EML5: variants seen among roughly 807,000 people sequenced by gnomAD.
EML5 encodes echinoderm microtubule-associated protein-like 5.
EML5 carries 120 observed loss-of-function variants against 250.0 expected under a neutral mutation model. The observed-to-expected ratio is 0.48, with a 90% CI of 0.41 to 0.56. The LOEUF (loss-of-function observed/expected upper bound fraction) is 0.56, where lower values mean the gene tolerates loss of function less well. Ranked by LOEUF, EML5 falls within the 20% of genes least tolerant of loss-of-function variation. The pLI, the probability that EML5 is intolerant of heterozygous loss-of-function variation, is 0.00. For missense variants in EML5, 2,006 were observed against 2,437.6 expected, an observed-to-expected ratio of 0.82 and a Z score of 3.73; for synonymous variants, 771 against 806.5, an observed-to-expected ratio of 0.96 and a Z score of 0.75.
chr14:88,754,519 T>C lies in EML5; in HGVS notation c.350A>G (p.Asp117Gly), dbSNP rs567398244. The change falls in exon 2 of 44, where the codon GAT (aspartate) becomes GGT (glycine). Residue 117 changes from aspartate to glycine, a missense_variant. Coordinates refer to ENST00000554922, the MANE Select transcript of EML5 (RefSeq NM_183387.3). ...HGIACLAFDL[D>G]GQRLVSVGLD... ...TGAAAAACTGTCACATACCTGTCCATCTAAGTCAAACGCCAAGCAAGCTAT... is the reference window on the plus strand; with the variant it reads ...TGAAAAACTGTCACATACCTGTCCACCTAAGTCAAACGCCAAGCAAGCTAT... The C allele has an allele frequency of 1.9e-6, 3 of 1,602,548 alleles. No individual in the cohort carries two copies. In the East Asian group the frequency reaches 6.8e-5, roughly 36 times the overall value.
chr14:88,719,015 G>A (rs149070631), intron 8 of EML5, among the ~76,000 whole-genome samples: 70 of 152,218 alleles, frequency 4.6e-4, no homozygotes, highest in African/African-American at 1.6e-3. Flanking sequence ...AAACTGTCAC[G>A]ATCCCTTTTA....
intron 2 of EML5, among the ~76,000 whole-genome samples, chr14:88,747,983 G>C (rs1456944224): frequency 6.6e-6 from 1 of 152,072 alleles, no homozygotes; most frequent in Non-Finnish European, 1.5e-5. Context: ...TGTGAACCCT[G>C]AAAGAGGGGA....
At chr14:88,647,014 C>A in intron 28 of EML5, 59 bp from the exon 29 acceptor site, 1 of 1,471,850 alleles carries the variant, frequency 6.8e-7, no homozygotes, top group Non-Finnish European at 9.3e-7. Flanking sequence ...ATTGAAAACA[C>A]TAGTGAAATA....
At chr14:88,644,017 G>C (rs1037351383) in intron 30 of EML5, among the ~76,000 whole-genome samples, 8 of 152,168 alleles carry the variant, frequency 5.3e-5, no homozygotes, top group Non-Finnish European at 1.2e-4. Flanking sequence ...GACAGAAGGA[G>C]AAACAGGCTT....
intron 32 of EML5, among the ~76,000 whole-genome samples, chr14:88,637,903 G>A (rs2090830953): frequency 1.3e-5 from 2 of 152,082 alleles, no homozygotes; most frequent in South Asian, 4.1e-4. Flanking sequence ...ACTTTTAAAA[G>A]TAGAAAACTG....
intron 21 of EML5, among the ~76,000 whole-genome samples, chr14:88,673,687 A>G (rs1177831222): frequency 6.6e-6 from 1 of 152,272 alleles, no homozygotes; most frequent in Non-Finnish European, 1.5e-5. Flanking sequence ...AAGTCAAAGG[A>G]TACAAAATCA....
chr14:88,754,549 T>C lies in EML5; in HGVS notation c.320A>G (p.His107Arg). Residue 107 changes from histidine (H) to arginine (R), a missense_variant, in exon 2 of 44, where the codon CAT (histidine) becomes CGT (arginine). This residue lies in a region of EML5 where 162 missense variants were observed against 212.2 expected (regional missense o/e 0.76). Transcript: ENST00000554922. ...TISVLKDVHT[H>R]GIACLAFDLD... ...GTCAAACGCCAAGCAAGCTATACCA[T>C]GTGTATGAACATCCTTTAAAACTGA... is the stretch of plus-strand genomic sequence containing the variant. The C allele has an allele frequency of 1.2e-6, 2 of 1,612,138 alleles. No homozygotes were observed. Among genetic ancestry groups the C allele is most frequent in the Non-Finnish European group, 1.7e-6 (2 of 1,179,330 alleles).
In EML5 at chr14:88,615,688, G is replaced by T; in HGVS notation, c.*130C>A. The T allele has an allele frequency of 1.3e-6, 1 of 790,492 alleles. No homozygotes were observed. The highest frequency in any genetic ancestry group is 2.0e-6 in the Non-Finnish European group (1 of 493,540). The allele number at this position is 790,492 out of a possible 1,614,324, so 49.0% of individuals were successfully genotyped here. ...GAACAGATCAGTCTTTCACTATTTT[G>T]ATGATTCTGGGCATTTCTCCCTGTT... On this transcript the variant is annotated 3_prime_UTR_variant, in exon 44 of 44. Coordinates refer to ENST00000554922, the MANE Select transcript of EML5 (RefSeq NM_183387.3).
chr14:88,682,422 G>T (rs954438183), intron 20 of EML5, among the ~76,000 whole-genome samples: 1 of 149,930 alleles, frequency 6.7e-6, no homozygotes, highest in East Asian at 2.0e-4. Flanking sequence ...AAAAAAAAAC[G>T]CAAGCATTTA....
chr14:88,617,618 T>A (rs1287428272), intron 41 of EML5: 1 of 152,104 alleles, frequency 6.6e-6, no homozygotes, highest in African/African-American at 2.4e-5. Context: ...AAAATAAAAA[T>A]GACTTATGAC....
intron 4 of EML5, among the ~76,000 whole-genome samples, chr14:88,741,672 A>C (rs1219944471): frequency 6.6e-6 from 1 of 151,968 alleles, no homozygotes; most frequent in Non-Finnish European, 1.5e-5. Flanking sequence ...ACACCTGTGA[A>C]TAGCTACTGC....
chr14:88,626,601 A>G, intron 35 of EML5: 1 of 495,712 alleles, frequency 2.0e-6, no homozygotes, highest in Non-Finnish European at 3.6e-6. Context: ...CAGGCGACAG[A>G]GTGAGATACT....
chr14:88,724,388 G>C (rs1207662176), intron 8 of EML5, among the ~76,000 whole-genome samples: 1 of 151,484 alleles, frequency 6.6e-6, no homozygotes, highest in East Asian at 1.9e-4. Context: ...GGATTAAGAA[G>C]ACCATTTTGT....
intron 1 of EML5, among the ~76,000 whole-genome samples, chr14:88,784,894 A>G (rs2094535034): frequency 1.3e-5 from 2 of 152,218 alleles, no homozygotes; most frequent in South Asian, 2.1e-4. Context: ...CTACACTCCA[A>G]TGTTTGTTGC....
Position 88,688,452 on chromosome 14 carries a change from T to C in EML5, c.2561A>G (p.Lys854Arg). The C allele has an allele frequency of 6.2e-7, 1 of 1,613,932 alleles. No homozygotes were observed. Among genetic ancestry groups the C allele is most frequent in the Non-Finnish European group, 8.5e-7 (1 of 1,179,888 alleles). ...RKAGGGLIGR[K>R]GYIGTLGKND... ...TTTCCCCAGTGTGCCTATGTAGCCT[T>C]TTCTTCCAATCAATCCTCCCCCTAG... Residue 854 changes from lysine (K) to arginine (R), a missense_variant, in exon 18 of 44, where the codon AAA (lysine) becomes AGA (arginine). Transcript: ENST00000554922.
intron 21 of EML5, among the ~76,000 whole-genome samples, chr14:88,666,534 T>G (rs2092311759): frequency 6.6e-6 from 1 of 152,078 alleles, no homozygotes; most frequent in African/African-American, 2.4e-5. Context: ...CCTATGAAAC[T>G]AAAATATTTT....
chr14:88,745,847 T>C (rs2093997167), intron 3 of EML5, among the ~76,000 whole-genome samples: 1 of 152,132 alleles, frequency 6.6e-6, no homozygotes, highest in Admixed American at 6.6e-5. Flanking sequence ...AGATGATGGG[T>C]TGATGGGTGC....
intron 1 of EML5, among the ~76,000 whole-genome samples, chr14:88,787,601 C>A (rs906613464): frequency 1.3e-5 from 2 of 152,092 alleles, no homozygotes; most frequent in African/African-American, 4.8e-5. Flanking sequence ...CTAGTTAATT[C>A]CTACTTTTCC....
intron 21 of EML5, among the ~76,000 whole-genome samples, chr14:88,678,265 AAC>A (rs1326193893): frequency 2.0e-5 from 3 of 152,224 alleles, no homozygotes; most frequent in East Asian, 1.9e-4. Context: ...CAGGGAGAGG[AAC>A]ACACACTGGG....
Sources: allele counts gnomAD v4.1 joint callset (sites outside exome capture counted in the v4.1 genomes callset), GRCh38; gene constraint gnomAD v4.1.1; regional missense constraint gnomAD v4.1.1; transcripts MANE v1.5; gene names NCBI Gene and HGNC (gene_info 2026-07-23, HGNC 2026-07-21).